The following PTPRE variants were observed in gnomAD, a reference collection of about 807,000 sequenced individuals.
PTPRE encodes the protein receptor-type tyrosine-protein phosphatase epsilon.
A neutral mutation model predicts 102.0 loss-of-function variants in PTPRE; 51 were observed. That is an observed-to-expected ratio of 0.50 (90% confidence interval 0.40 to 0.63). The LOEUF (loss-of-function observed/expected upper bound fraction) is 0.63. PTPRE is among the 30% of genes least tolerant of loss of function. The pLI is 0.00. For synonymous variants in PTPRE, 345 were observed against 348.2 expected, an observed-to-expected ratio of 0.99 and a Z score of 0.10; for missense variants, 752 against 915.1, an observed-to-expected ratio of 0.82 and a Z score of 2.30.
chr10:127,980,617 G>A (rs925198774), intron 1 of PTPRE, among the ~76,000 whole-genome samples: 3 of 152,120 alleles, frequency 2.0e-5, no homozygotes, highest in African/African-American at 7.2e-5. Context: ...TCACCATTAA[G>A]AATAATTTGA....
intron 2 of PTPRE, among the ~76,000 whole-genome samples, chr10:128,033,198 C>T (rs1291193029): frequency 6.6e-6 from 1 of 152,196 alleles, no homozygotes; most frequent in South Asian, 2.1e-4. Context: ...CAAAGCATGA[C>T]TTTTCACTTA....
chr10:128,043,270 C>T (rs985013388), intron 3 of PTPRE, among the ~76,000 whole-genome samples: 1 of 152,200 alleles, frequency 6.6e-6, no homozygotes. Context: ...GAGCCCTGAG[C>T]TTGTGTTCCT....
intron 1 of PTPRE, among the ~76,000 whole-genome samples, chr10:127,981,239 T>C (rs970177898): frequency 1.3e-5 from 2 of 152,208 alleles, no homozygotes; most frequent in African/African-American, 4.8e-5. Context: ...AGTCCATTTA[T>C]ATGAAATACT....
intron 2 of PTPRE, among the ~76,000 whole-genome samples, chr10:128,020,326 T>G (rs1024128956): frequency 6.6e-6 from 1 of 152,236 alleles, no homozygotes; most frequent in Admixed American, 6.5e-5. Flanking sequence ...AATCCATTTT[T>G]TACTTGACTT....
intron 1 of PTPRE, among the ~76,000 whole-genome samples, chr10:127,954,351 C>A (rs2135359199): frequency 6.6e-6 from 1 of 152,306 alleles, no homozygotes; most frequent in South Asian, 2.1e-4. Flanking sequence ...CTCCTGGTGG[C>A]AGGTTGATTA....
At chr10:128,065,170 C>A (rs1200626781) in intron 10 of PTPRE, among the ~76,000 whole-genome samples, 1 of 152,214 alleles carries the variant, frequency 6.6e-6, no homozygotes, top group African/African-American at 2.4e-5. Context: ...GCCGTCATAA[C>A]ACAATGATGC....
At chr10:127,921,579 G>A (rs1222673639) in intron 1 of PTPRE, among the ~76,000 whole-genome samples, 3 of 152,174 alleles carry the variant, frequency 2.0e-5, no homozygotes, top group South Asian at 4.1e-4. Context: ...GGATGTGGAC[G>A]TCTATAGGGA....
At chr10:128,006,312 C>T (rs1854538234) in intron 2 of PTPRE, among the ~76,000 whole-genome samples, 2 of 152,186 alleles carry the variant, frequency 1.3e-5, no homozygotes, top group Admixed American at 6.5e-5. Context: ...CTGGGTATTT[C>T]ACAGAAGAGC....
intron 2 of PTPRE, among the ~76,000 whole-genome samples, chr10:128,002,731 C>T (rs1208820062): frequency 4.8e-4 from 39 of 81,336 alleles, no homozygotes; most frequent in Non-Finnish European, 7.0e-4. Context: ...GAGACAGGGT[C>T]TTGCTATGTT....
At chr10:128,065,205 T>C (rs924362418) in intron 10 of PTPRE, among the ~76,000 whole-genome samples, 2 of 152,230 alleles carry the variant, frequency 1.3e-5, no homozygotes, top group East Asian at 1.9e-4. Context: ...TACCAGATGC[T>C]GTTTGTTTCA....
chr10:127,954,725 G>T (rs1294411841), intron 1 of PTPRE, among the ~76,000 whole-genome samples: 1 of 152,048 alleles, frequency 6.6e-6, no homozygotes, highest in Non-Finnish European at 1.5e-5. Context: ...CTCTAAATCA[G>T]TGTCCAACAT....
intron 11 of PTPRE, among the ~76,000 whole-genome samples, chr10:128,066,729 G>A (rs979666467): frequency 2.0e-5 from 3 of 152,214 alleles, no homozygotes; most frequent in African/African-American, 7.2e-5. Flanking sequence ...CATTTTGTCA[G>A]GATTTAAAGA....
At chr10:128,046,845 G>A (rs1848131068) in intron 3 of PTPRE, among the ~76,000 whole-genome samples, 1 of 152,202 alleles carries the variant, frequency 6.6e-6, no homozygotes, top group Non-Finnish European at 1.5e-5. Flanking sequence ...TAAGAGGCCG[G>A]TGGTGGCTGG....
At chr10:127,954,196 G>A (rs1352840046) in intron 1 of PTPRE, among the ~76,000 whole-genome samples, 1 of 152,148 alleles carries the variant, frequency 6.6e-6, no homozygotes. Flanking sequence ...GGCAGGGATG[G>A]AGGCTGTTCA....
chr10:128,007,856 G>A (rs1488410825), intron 2 of PTPRE, among the ~76,000 whole-genome samples: 3 of 152,198 alleles, frequency 2.0e-5, no homozygotes, highest in South Asian at 2.1e-4. Context: ...TCCGCATCTT[G>A]ACTTTTGCTC....
At chr10:127,914,549 C>T (rs1243787901) in intron 1 of PTPRE, among the ~76,000 whole-genome samples, 6 of 152,226 alleles carry the variant, frequency 3.9e-5, no homozygotes, top group Admixed American at 2.6e-4. Context: ...CCTCCAGCCT[C>T]CTCTGGGGAA....
At chr10:128,016,820 C>T (rs1015673166) in intron 2 of PTPRE, among the ~76,000 whole-genome samples, 4 of 152,234 alleles carry the variant, frequency 2.6e-5, no homozygotes, top group Non-Finnish European at 4.4e-5. Flanking sequence ...TTTAGCCCAA[C>T]GTGGCTGAGG....
At chr10:127,987,328 G>T in intron 2 of PTPRE, 1 of 1,268,292 alleles carries the variant, frequency 7.9e-7, no homozygotes, top group Non-Finnish European at 1.0e-6. Flanking sequence ...TCCTTTCTCA[G>T]CTGTCAGGGA....
intron 2 of PTPRE, among the ~76,000 whole-genome samples, chr10:128,003,580 C>CTGAA: frequency 6.6e-6 from 1 of 152,104 alleles, no homozygotes; most frequent in Non-Finnish European, 1.5e-5. Flanking sequence ...TCCTGAATAG[C>CTGAA]TAGAAAATTC....
Sources: allele counts gnomAD v4.1 joint callset (sites outside exome capture counted in the v4.1 genomes callset), GRCh38; gene constraint gnomAD v4.1.1; transcripts MANE v1.5; gene names NCBI Gene and HGNC (gene_info 2026-07-23, HGNC 2026-07-21).